PPP1R15A: variants seen among roughly 807,000 people sequenced by gnomAD.
PPP1R15A encodes the protein growth arrest and DNA damage-inducible protein GADD34.
Under a neutral mutation model 48.5 loss-of-function variants are expected in PPP1R15A, and 43 were observed. That is an observed-to-expected ratio of 0.89 (90% CI 0.69 to 1.14). The LOEUF (loss-of-function observed/expected upper bound fraction) is 1.14, where lower values mean the gene tolerates loss of function less well. PPP1R15A is among the 50% of genes most tolerant of loss of function. PPP1R15A has a pLI of 0.00. For synonymous variants in PPP1R15A, 327 were observed against 327.4 expected (o/e 1.00, Z 0.01); for missense variants, 868 against 847.2 (o/e 1.02, Z -0.30).
chr19:48,874,450 A>C lies in PPP1R15A; in HGVS notation c.1217A>C (p.Asp406Ala), dbSNP rs780640085. 6.2e-7 allele frequency: 1 copy of C among 1,613,320 alleles called. No homozygotes were observed. The highest frequency in any genetic ancestry group is 8.5e-7 in the Non-Finnish European group (1 of 1,179,868). Reference sequence around the variant, plus strand: ...GAGGAGGAGGAAGATGAGGACAGTGATACAGGATCAGCCGAGGATGAAAGA... The same window carrying C: ...GAGGAGGAGGAAGATGAGGACAGTGCTACAGGATCAGCCGAGGATGAAAGA... ...DTEEEEDEDS[D>A]TGSAEDEREA... Residue 406 changes from aspartate to alanine, a missense_variant, in exon 2 of 3, where the codon GAT (aspartate) becomes GCT (alanine). By Grantham distance (126) the Asp-to-Ala change is moderately radical. Coordinates refer to ENST00000200453, the MANE Select transcript of PPP1R15A (RefSeq NM_014330.5).
chr19:48,874,725 G>GA lies in PPP1R15A; in HGVS notation c.1493dup (p.Asp498GlufsTer6), dbSNP rs780153854. ...GACAGAGGAAGAGGAAGCTGCTGAG[G>GA]ACTGGGGAGAAGCTGAGCCCTGCCC... On this transcript the variant is annotated frameshift_variant, in exon 2 of 3. Coordinates refer to ENST00000200453, the MANE Select transcript of PPP1R15A (RefSeq NM_014330.5). LOFTEE classifies it high-confidence loss of function. 1 of 1,614,024 alleles carries GA rather than the reference G, an allele frequency of 6.2e-7. No homozygotes were observed. The highest frequency in any genetic ancestry group is 1.1e-5 in the South Asian group (1 of 91,028).
intron 2 of PPP1R15A, chr19:48,875,364 G>A: frequency 1.8e-6 from 1 of 569,264 alleles, no homozygotes. Context: ...TCCCTTGTAA[G>A]AGGCCAGGCC....
chr19:48,873,766 C>A lies in PPP1R15A; in HGVS notation c.533C>A (p.Ser178Tyr). 1 of 1,613,980 alleles carries A rather than the reference C, an allele frequency of 6.2e-7. No individual in the cohort carries two copies. The highest frequency in any genetic ancestry group is 1.1e-5 in the South Asian group (1 of 91,078). ...GAAGAGGAGGGAGTTAACAAGTTCT[C>A]TTATCCACCATCACACCGGGAGTGT... ...VAEEEGVNKF[S>Y]YPPSHRECCP... The change falls in exon 2 of 3, where the codon TCT (serine) becomes TAT (tyrosine). Residue 178 changes from serine to tyrosine, a missense_variant. By Grantham distance (144) the Ser-to-Tyr change is moderately radical. Coordinates refer to ENST00000200453, the MANE Select transcript of PPP1R15A (RefSeq NM_014330.5).
At chr19:48,875,356 C>G in intron 2 of PPP1R15A, 1 of 557,322 alleles carries the variant, frequency 1.8e-6, no homozygotes, top group Non-Finnish European at 3.2e-6. Flanking sequence ...TCACGCAATC[C>G]CTTGTAAGAG....
rs2037050504 is a variant in PPP1R15A at position 48,874,296 on chromosome 19, G to A, written c.1063G>A (p.Asp355Asn). 6.2e-7 allele frequency: 1 copy of A among 1,613,978 alleles called. No individual in the cohort carries two copies. Among genetic ancestry groups the A allele is most frequent in the African/African-American group, 1.3e-5 (1 of 74,912 alleles). ...AGGAGAGGACACAGAGGAAGAGGAA[G>A]ATGAGGAAGAAGATGAGGACAGTGA... ...WPGEDTEEEEDEEEDEDSDSG... is the reference protein window; with the variant it reads ...WPGEDTEEEENEEEDEDSDSG... The change falls in exon 2 of 3, where the codon GAT (aspartate) becomes AAT (asparagine). Residue 355 changes from aspartate (D) to asparagine (N), a missense_variant. By Grantham distance (23) the Asp-to-Asn change is conservative. Transcript: ENST00000200453.
At position 48,874,318 on chromosome 19, in the gene PPP1R15A, G is replaced by T. The variant is rs1453054691; in HGVS notation, c.1085G>T (p.Ser362Ile). Reference protein sequence around the residue: ...EEEDEEEDEDSDSGSDEEEGE... With the variant: ...EEEDEEEDEDIDSGSDEEEGE... Reference sequence around the variant, plus strand: ...GAAGATGAGGAAGAAGATGAGGACAGTGACTCTGGATCAGATGAGGAAGAG... The same window carrying T: ...GAAGATGAGGAAGAAGATGAGGACATTGACTCTGGATCAGATGAGGAAGAG... Residue 362 changes from serine to isoleucine, a missense_variant, in exon 2 of 3, where the codon AGT (serine) becomes ATT (isoleucine). Physicochemically the swap from Ser to Ile is moderately radical, Grantham distance 142 (BLOSUM62 -2). Transcript: ENST00000200453. The T allele has an allele frequency of 1.9e-6, 3 of 1,611,990 alleles. No individual in the cohort carries two copies. The highest frequency in any genetic ancestry group is 3.3e-5 in the Admixed American group (2 of 59,834).
At chr19:48,873,172 A>C in intron 1 of PPP1R15A, 53 bp from the exon 2 acceptor site, 1 of 1,425,498 alleles carries the variant, frequency 7.0e-7, no homozygotes, top group South Asian at 1.6e-5. Context: ...TCACGCCCGG[A>C]TGCCATCCTC....
Position 48,872,645 on chromosome 19 carries a change from C to G in PPP1R15A, c.-16C>G, listed in dbSNP as rs1425740911. The G allele has an allele frequency of 2.7e-6, 1 of 364,580 alleles. No individual in the cohort carries two copies. The highest frequency in any genetic ancestry group is 2.1e-5 in the African/African-American group (1 of 47,202). The allele number at this position is 364,580 out of a possible 1,614,324, so 22.6% of individuals were successfully genotyped here. ...CTGCCCCCGGGGTGACGCGCAGCTC[C>G]CAGCCGGTGAGTAAGGGGTCGGAAC... On this transcript the variant is annotated 5_prime_UTR_variant, in exon 1 of 3. Coordinates refer to ENST00000200453, the MANE Select transcript of PPP1R15A (RefSeq NM_014330.5).
chr19:48,875,019 C>A, intron 2 of PPP1R15A, 121 bp downstream of exon 2: 2 of 1,206,758 alleles, frequency 1.7e-6, no homozygotes, highest in Non-Finnish European at 2.2e-6. Context: ...CTCTGCCGCC[C>A]AAGTTCAGGC....
chr19:48,873,822 G>T lies in PPP1R15A; in HGVS notation c.589G>T (p.Glu197Ter), dbSNP rs891387881. Residue 197 changes from glutamate (E) to a stop codon, truncating the protein, a stop_gained, in exon 2 of 3, where the codon GAA becomes TAA. Coordinates refer to ENST00000200453, the MANE Select transcript of PPP1R15A (RefSeq NM_014330.5). LOFTEE classifies it high-confidence loss of function. ...AGCCGTGGAGGAGGAGGACGATGAA[G>T]AAGCTGTAAAGAAAGAAGCTCACAG... is the stretch of plus-strand genomic sequence containing the variant. ...CPAVEEEDDEEAVKKEAHRTS... is the reference protein window; with the variant it reads ...CPAVEEEDDE 3.7e-6 allele frequency: 6 copies of T among 1,614,096 alleles called. No homozygotes were observed. The highest frequency in any genetic ancestry group is 4.2e-6 in the Non-Finnish European group (5 of 1,180,016).
In PPP1R15A at chr19:48,874,504, C is replaced by T. The variant is rs767411145; in HGVS notation, c.1271C>T (p.Pro424Leu). 2 of 1,613,952 alleles carry T rather than the reference C, an allele frequency of 1.2e-6. No homozygotes were observed. The highest frequency in any genetic ancestry group is 1.1e-5 in the South Asian group (1 of 91,074). Reference sequence around the variant, plus strand: ...GCTGAGACTTCTGCTTCCACACCCCCTGCAAGTGCTTTCTTGAAGGCCTGG... The same window carrying T: ...GCTGAGACTTCTGCTTCCACACCCCTTGCAAGTGCTTTCTTGAAGGCCTGG... Reference protein sequence around the residue: ...REAETSASTPPASAFLKAWVY... With the variant: ...REAETSASTPLASAFLKAWVY... The change falls in exon 2 of 3, where the codon CCT becomes CTT. Residue 424 changes from proline to leucine, a missense_variant. Pro to Leu is a moderately conservative substitution (Grantham distance 98). Coordinates refer to ENST00000200453, the MANE Select transcript of PPP1R15A (RefSeq NM_014330.5).
intron 1 of PPP1R15A, 67 bp downstream of exon 1, chr19:48,872,718 G>GGTT: frequency 3.1e-6 from 1 of 323,738 alleles, no homozygotes; most frequent in South Asian, 2.3e-5. Flanking sequence ...AAGGAGAAGG[G>GGTT]GTTGGGAGCC....
rs530647865 is a variant in PPP1R15A at position 48,875,036 on chromosome 19, C to T, written c.1665+138C>T. 276 of 1,083,114 alleles carry T rather than the reference C, an allele frequency of 2.5e-4. 1 individual carries two copies. Among genetic ancestry groups the T allele is most frequent in the African/African-American group, 2.0e-3 (127 of 62,744 alleles). 67.1% of individuals were successfully genotyped at this position (1,083,114 alleles called of 1,614,324 possible). On this transcript the variant is annotated intron_variant, in intron 2 of 2. Transcript: ENST00000200453. ...CTGCCGCCCAAGTTCAGGCGATTCT[C>T]GTGCCTCAGCCTCCAGAGTATCTGG...
In PPP1R15A at chr19:48,874,713, G is replaced by A. The variant is rs1190534032; in HGVS notation, c.1480G>A (p.Glu494Lys). 1.2e-6 allele frequency: 2 copies of A among 1,614,048 alleles called. No homozygotes were observed. Among genetic ancestry groups the A allele is most frequent in the Admixed American group, 1.7e-5 (1 of 60,002 alleles). ...ACCTGGAAAAGAGACAGAGGAAGAG[G>A]AAGCTGCTGAGGACTGGGGAGAAGC... is the stretch of plus-strand genomic sequence containing the variant. Reference protein sequence around the residue: ...YRPGKETEEEEAAEDWGEAEP... With the variant: ...YRPGKETEEEKAAEDWGEAEP... The change falls in exon 2 of 3, where the codon GAA (glutamate) becomes AAA (lysine). Residue 494 changes from glutamate (E) to lysine (K), a missense_variant. Physicochemically the swap from Glu to Lys is moderately conservative, Grantham distance 56. Transcript: ENST00000200453.
rs909781098 is a variant in PPP1R15A at position 48,875,749 on chromosome 19, G to A, written c.1801G>A (p.Glu601Lys). 20 of 1,613,636 alleles carry A rather than the reference G, an allele frequency of 1.2e-5. No homozygotes were observed. The highest frequency in any genetic ancestry group is 8.0e-5 in the African/African-American group (6 of 74,932). The change falls in exon 3 of 3, where the codon GAG becomes AAG. Residue 601 changes from glutamate to lysine, a missense_variant. Coordinates refer to ENST00000200453, the MANE Select transcript of PPP1R15A (RefSeq NM_014330.5). Reference protein sequence around the residue: ...RFARRITQAQEELSPCLTPAA... With the variant: ...RFARRITQAQKELSPCLTPAA... ...CGCACGCCGCATCACCCAGGCCCAG[G>A]AGGAGCTGAGCCCCTGCCTCACCCC...
intron 2 of PPP1R15A, 124 bp downstream of exon 2, chr19:48,875,022 G>A (rs1434234873): frequency 3.3e-6 from 4 of 1,200,764 alleles, no homozygotes; most frequent in Non-Finnish European, 2.2e-6. Flanking sequence ...TGCCGCCCAA[G>A]TTCAGGCGAT....
At chr19:48,874,976 A>T (rs1317083410) in intron 2 of PPP1R15A, 78 bp downstream of exon 2, 1 of 1,408,106 alleles carries the variant, frequency 7.1e-7, no homozygotes, top group African/African-American at 1.5e-5. Flanking sequence ...CCCAGGCTGG[A>T]GTGCAGCGGC....
At chr19:48,874,988 T>A in intron 2 of PPP1R15A, 90 bp downstream of exon 2, 1 of 1,379,166 alleles carries the variant, frequency 7.3e-7, no homozygotes, top group Non-Finnish European at 9.5e-7. Flanking sequence ...TGCAGCGGCA[T>A]GATCTTGGCT....
Position 48,874,661 on chromosome 19 carries a change from G to A in PPP1R15A, c.1428G>A (p.Arg476=), listed in dbSNP as rs35087747. ...SDPHPSHPDQ[R]AHFRGWGYRP... is the part of the protein sequence containing the mutation. Reference sequence around the variant, plus strand: ...CACATCCCTCCCACCCGGACCAGAGGGCCCACTTCAGGGGCTGGGGATATC... The same window carrying A: ...CACATCCCTCCCACCCGGACCAGAGAGCCCACTTCAGGGGCTGGGGATATC... The change falls in exon 2 of 3, where the codon AGG becomes AGA. Residue 476 remains arginine, a synonymous_variant. Transcript: ENST00000200453. 6.2e-7 allele frequency: 1 copy of A among 1,613,926 alleles called. No homozygotes were observed. The highest frequency in any genetic ancestry group is 1.1e-5 in the South Asian group (1 of 91,074).
Sources: allele counts gnomAD v4.1 joint callset, GRCh38; gene constraint gnomAD v4.1.1; transcripts MANE v1.5; gene names NCBI Gene and HGNC (gene_info 2026-07-23, HGNC 2026-07-21).